Variants in UBE2C observed in about 807,000 individuals in gnomAD.
UBE2C encodes the protein ubiquitin conjugating enzyme E2 C, also known as ubiquitin-conjugating enzyme E2 C.
Under a neutral mutation model 23.5 loss-of-function variants are expected in UBE2C, and 16 were observed. That is an observed-to-expected ratio of 0.68 (90% confidence interval 0.46 to 1.03). The LOEUF is 1.03. Ranked by LOEUF, UBE2C falls within the 50% of genes least tolerant of loss-of-function variation. The pLI, the probability that UBE2C is intolerant of heterozygous loss-of-function variation, is 0.00. For synonymous variants in UBE2C, 76 were observed against 91.6 expected (o/e 0.83, Z 0.97); for missense variants, 192 against 227.6 (o/e 0.84, Z 1.01).
rs892303217 is a variant in UBE2C at position 45,814,994 on chromosome 20, C to T, written c.216+524C>T. On this transcript the variant is annotated intron_variant, in intron 3 of 5. Transcript: ENST00000356455. The stretch of plus-strand genomic sequence containing the variant: ...CTGGGACTACAGGCGCCCGCCACCA[C>T]GCCCGGCTAATTTTTTGTATTTTTA... 4.6e-5 allele frequency among the ~76,000 whole-genome samples: 7 copies of T among 151,616 alleles called. No individual in the cohort carries two copies. The East Asian group carries it at 5.8e-4, about 13-fold the overall frequency.
At chr20:45,814,307 A>T in intron 2 of UBE2C, 77 bp from the exon 3 acceptor site, 1 of 621,300 alleles carries the variant, frequency 1.6e-6, no homozygotes, top group Non-Finnish European at 2.6e-6. Flanking sequence ...TATAAAATTA[A>T]GGGGAAAGCT....
At chr20:45,816,031 C>T (rs927261569) in intron 5 of UBE2C, 118 bp downstream of exon 5, 10 of 991,356 alleles carry the variant, frequency 1.0e-5, no homozygotes, top group African/African-American at 1.6e-5. Flanking sequence ...GGAGTGTCGG[C>T]AGCAACCCAC....
At chr20:45,814,146 C>CTCTCTATATATATA (rs1158772080) in intron 2 of UBE2C, among the ~76,000 whole-genome samples, 12 of 133,898 alleles carry the variant, frequency 9.0e-5, no homozygotes, top group African/African-American at 2.7e-4. Flanking sequence ...CTCTCTCTCT[C>CTCTCTATATATATA]TATATATATA....
Position 45,812,778 on chromosome 20 carries a change from G to A in UBE2C, c.83G>A (p.Arg28Gln). Residue 28 changes from arginine to glutamine, a missense_variant, in exon 1 of 6, where the codon CGG becomes CAG. Physicochemically the swap from Arg to Gln is conservative, Grantham distance 43. Coordinates refer to ENST00000356455, the MANE Select transcript of UBE2C (RefSeq NM_007019.4). ...KGAEPSGGAA[R>Q]GPVGKRLQQE... ...GCTGAGCCGAGCGGGGGCGCCGCCC[G>A]GGGTCCGGTGGGCAAAAGGTGAGTG... is the stretch of plus-strand genomic sequence containing the variant. 1 of 1,556,016 alleles carries A rather than the reference G, an allele frequency of 6.4e-7. No individual in the cohort carries two copies. Among genetic ancestry groups the A allele is most frequent in the South Asian group, 1.2e-5 (1 of 84,542 alleles).
chr20:45,814,584 T>C, intron 3 of UBE2C, 114 bp downstream of exon 3: 1 of 745,858 alleles, frequency 1.3e-6, no homozygotes, highest in Non-Finnish European at 2.2e-6. Flanking sequence ...CTGTGACTGT[T>C]TACATTCTCT....
Position 45,814,396 on chromosome 20 carries a change from A to G in UBE2C, c.142A>G (p.Lys48Glu), listed in dbSNP as rs1982285797. Reference protein sequence around the residue: ...ELMTLMMSGDKGISAFPESDN... With the variant: ...ELMTLMMSGDEGISAFPESDN... ...GTTTTCTCCCCAGATGTCTGGCGAT[A>G]AAGGGATTTCTGCCTTCCCTGAATC... Residue 48 changes from lysine (K) to glutamate (E), a missense_variant, in exon 3 of 6, where the codon AAA becomes GAA. Lys to Glu is a moderately conservative substitution (Grantham distance 56). Coordinates refer to ENST00000356455, the MANE Select transcript of UBE2C (RefSeq NM_007019.4). 3 of 1,608,206 alleles carry G rather than the reference A, an allele frequency of 1.9e-6. No individual in the cohort carries two copies. Among genetic ancestry groups the G allele is most frequent in the Non-Finnish European group, 2.5e-6 (3 of 1,177,304 alleles).
At chr20:45,814,345 AGT>A (rs1340673602) in intron 2 of UBE2C, 37 bp from the exon 3 acceptor site, 1 of 1,542,918 alleles carries the variant, frequency 6.5e-7, no homozygotes, top group East Asian at 2.4e-5. Flanking sequence ...TATGCCCAAA[AGT>A]GTACTCCACA....
rs3080107 is a variant in UBE2C, at chr20:45,814,271, CATATATATATATATATAT to C, written c.130-101_130-84del. The C allele has an allele frequency of 2.3e-5, 9 of 391,518 alleles. 1 individual carries two copies. Among genetic ancestry groups the C allele is most frequent in the Admixed American group, 2.3e-4 (6 of 26,462 alleles). The allele number at this position is 391,518 out of a possible 1,614,324, so 24.3% of individuals were successfully genotyped here. On this transcript the variant is annotated intron_variant, in intron 2 of 5. Transcript: ENST00000356455. ...ATATATGTGTGTGTGTGTATGTGAG[CATATATATATATATATAT>C]ATATATATATAAAATTAAGGGGAAA...
chr20:45,815,513 A>G, intron 3 of UBE2C, 28 bp from the exon 4 acceptor site: 1 of 1,614,016 alleles, frequency 6.2e-7, no homozygotes, highest in Non-Finnish European at 8.5e-7. Flanking sequence ...GCTGGAGCTT[A>G]CTCTGCAACT....
Position 45,815,695 on chromosome 20 carries a change from C to T in UBE2C, c.371C>T (p.Ala124Val). 1 of 1,614,100 alleles carries T rather than the reference C, an allele frequency of 6.2e-7. No individual in the cohort carries two copies. Among genetic ancestry groups the T allele is most frequent in the Non-Finnish European group, 8.5e-7 (1 of 1,180,018 alleles). ...CLDILKEKWS[A>V]LYDVRTILLS... ...GACATCCTGAAGGAAAAGTGGTCTG[C>T]CCTGTATGATGTCAGGACCATTCTG... Residue 124 changes from alanine (A) to valine (V), a missense_variant, in exon 4 of 6, where the codon GCC (alanine) becomes GTC (valine). Ala to Val is a moderately conservative substitution (Grantham distance 64, BLOSUM62 0). Transcript: ENST00000356455.
intron 2 of UBE2C, 114 bp from the exon 3 acceptor site, chr20:45,814,270 G>GCA (rs1222769675): frequency 5.4e-6 from 2 of 368,800 alleles, no homozygotes; most frequent in African/African-American, 1.0e-4. Flanking sequence ...GTGTATGTGA[G>GCA]CATATATATA....
In UBE2C at chr20:45,813,455, G is replaced by A. The variant is rs1269104737; in HGVS notation, c.120G>A (p.Met40Ile). The A allele has an allele frequency of 5.0e-6, 8 of 1,614,040 alleles. No individual in the cohort carries two copies. Among genetic ancestry groups the A allele is most frequent in the Non-Finnish European group, 6.8e-6 (8 of 1,180,032 alleles). Residue 40 changes from methionine (M) to isoleucine (I), a missense_variant, in exon 2 of 6, where the codon ATG becomes ATA. Transcript: ENST00000356455. The stretch of plus-strand genomic sequence containing the variant: ...TTTTCAGGCTACAGCAGGAGCTGAT[G>A]ACCCTCATGGTGAGTGATTAAGTGC... ...PVGKRLQQEL[M>I]TLMMSGDKGI...
At position 45,815,883 on chromosome 20, in the gene UBE2C, C is replaced by A; in HGVS notation, c.451C>A (p.His151Asn). Residue 151 changes from histidine (H) to asparagine (N), a missense_variant, in exon 5 of 6, where the codon CAT (histidine) becomes AAT (asparagine). Transcript: ENST00000356455. ...EPNIDSPLNT[H>N]AAELWKNPTA... ...CAACATTGATAGTCCCTTGAACACA[C>A]ATGCTGCCGAGCTCTGGAAAAACCC... The A allele has an allele frequency of 6.2e-7, 1 of 1,614,094 alleles. No individual in the cohort carries two copies. Among genetic ancestry groups the A allele is most frequent in the Non-Finnish European group, 8.5e-7 (1 of 1,180,020 alleles).
rs763119054 is a variant in UBE2C at position 45,815,483 on chromosome 20, G to A, written c.217-58G>A. 25 of 1,614,128 alleles carry A rather than the reference G, an allele frequency of 1.5e-5. No homozygotes were observed. In the South Asian group the frequency reaches 2.0e-4, roughly 13 times the overall value. On this transcript the variant is annotated intron_variant, in intron 3 of 5. Coordinates refer to ENST00000356455, the MANE Select transcript of UBE2C (RefSeq NM_007019.4). ...TAGCAAGCCCCTTGTGTGGGGCTTG[G>A]GTTGGGACATGAGGCTGCTGCTGGA...
chr20:45,813,744 A>G (rs751699277), intron 2 of UBE2C, among the ~76,000 whole-genome samples: 1 of 150,886 alleles, frequency 6.6e-6, no homozygotes, highest in Non-Finnish European at 1.5e-5. Context: ...CCCACACCCA[A>G]CTCCCCGCCC....
At position 45,815,645 on chromosome 20, in the gene UBE2C, G is replaced by C. The variant is rs1280943141; in HGVS notation, c.321G>C (p.Val107=). The C allele has an allele frequency of 8.1e-6, 13 of 1,614,062 alleles. No homozygotes were observed. The Middle Eastern group carries it at 1.2e-3, about 143-fold the overall frequency. The part of the protein sequence containing the change: ...KFLTPCYHPN[V]DTQGNICLDI... ...TCACGCCCTGCTATCACCCCAACGT[G>C]GACACCCAGGGTAACATATGCCTGG... The change falls in exon 4 of 6, where the codon GTG becomes GTC. Residue 107 remains valine, a synonymous_variant. Transcript: ENST00000356455.
Position 45,816,768 on chromosome 20 carries a change from C to T in UBE2C, c.*1C>T, listed in dbSNP as rs751367029. The T allele has an allele frequency of 6.2e-7, 1 of 1,613,074 alleles. No individual in the cohort carries two copies. The highest frequency in any genetic ancestry group is 1.1e-5 in the South Asian group (1 of 90,916). ...GCAGGTCACCAGCCAGGAGCCCTGA[C>T]CCAGGCTGCCCAGCCTGTCCTTGTG... On this transcript the variant is annotated 3_prime_UTR_variant, in exon 6 of 6. Transcript: ENST00000356455.
At chr20:45,813,723 A>G (rs896651563) in intron 2 of UBE2C, among the ~76,000 whole-genome samples, 5 of 151,858 alleles carry the variant, frequency 3.3e-5, no homozygotes, top group Admixed American at 2.0e-4. Flanking sequence ...CCTAGCCCCA[A>G]CCAAGCTTTA....
At chr20:45,815,247 A>T in intron 3 of UBE2C, 1 of 742,140 alleles carries the variant, frequency 1.3e-6, no homozygotes, top group Non-Finnish European at 2.2e-6. Context: ...GGCTAGGCAT[A>T]GTGGCTCACA....
Sources: allele counts gnomAD v4.1 joint callset (sites outside exome capture counted in the v4.1 genomes callset), GRCh38; gene constraint gnomAD v4.1.1; transcripts MANE v1.5; gene names NCBI Gene and HGNC (gene_info 2026-07-23, HGNC 2026-07-21).